The following CMTM7 variants were observed in gnomAD, a reference collection of about 807,000 sequenced individuals.
The protein encoded by CMTM7 is CKLF-like MARVEL transmembrane domain-containing protein 7.
A neutral mutation model predicts 19.3 loss-of-function variants in CMTM7; 7 were observed. The observed-to-expected ratio is 0.36, with a 90% CI of 0.21 to 0.68. The LOEUF (loss-of-function observed/expected upper bound fraction) is 0.68, where lower values mean the gene tolerates loss of function less well. Among genes scored for constraint, CMTM7 ranks in the 30% least tolerant of loss-of-function variants. The probability of loss-of-function intolerance (pLI) is 0.60; values close to 1 mark genes in which losing one functional copy is unlikely to be tolerated. For missense variants in CMTM7, 193 were observed against 232.6 expected (o/e 0.83, Z 1.11); for synonymous variants, 87 against 99.3 (o/e 0.88, Z 0.74).
intron 1 of CMTM7, among the ~76,000 whole-genome samples, chr3:32,441,606 C>T (rs1696676790): frequency 1.3e-5 from 2 of 152,202 alleles, no homozygotes; most frequent in South Asian, 2.1e-4. Context: ...TCAGAGAGGA[C>T]GAAGTCAGTC....
chr3:32,441,794 C>T, intron 1 of CMTM7, 46 bp from the exon 2 acceptor site: 1 of 1,572,990 alleles, frequency 6.4e-7, no homozygotes. Flanking sequence ...TCCCTGGGTG[C>T]CCGTCTTGGG....
At chr3:32,431,488 T>C (rs9830843) in intron 1 of CMTM7, among the ~76,000 whole-genome samples, 1,665 of 152,172 alleles carry the variant, frequency 0.011, 38 homozygotes, top group African/African-American at 0.038. Flanking sequence ...CCCAGAGCCC[T>C]GCTGGCCAGT....
intron 3 of CMTM7, chr3:32,451,992 C>G (rs1696839516): frequency 9.9e-7 from 1 of 1,011,686 alleles, no homozygotes; most frequent in East Asian, 5.8e-5. Flanking sequence ...CGCCACTACA[C>G]CACAAATCAT....
In CMTM7 at chr3:32,454,401, C is replaced by A; in HGVS notation, c.*147C>A. On this transcript the variant is annotated 3_prime_UTR_variant, in exon 5 of 5. Coordinates refer to ENST00000334983, the MANE Select transcript of CMTM7 (RefSeq NM_138410.4). ...GGCCTGCACCCTCTTCCTGCTCTCC[C>A]AGGAAGCCAGCTCCCTGAGCTCCTG... 1.0e-6 allele frequency: 1 copy of A among 960,128 alleles called. No homozygotes were observed. The highest frequency in any genetic ancestry group is 1.6e-6 in the Non-Finnish European group (1 of 607,608). 59.5% of individuals were successfully genotyped at this position (960,128 alleles called of 1,614,324 possible). A position where few individuals can be genotyped will look rare whatever the true frequency, so the allele number is the denominator to read the frequency against.
At chr3:32,440,086 C>T (rs62252082) in intron 1 of CMTM7, among the ~76,000 whole-genome samples, 1 of 111,788 alleles carries the variant, frequency 8.9e-6, no homozygotes, top group Non-Finnish European at 2.2e-5. Flanking sequence ...CACACACACA[C>T]ACACACACAC....
At chr3:32,395,087 C>G (rs1376073967) in intron 1 of CMTM7, among the ~76,000 whole-genome samples, 1 of 151,342 alleles carries the variant, frequency 6.6e-6, no homozygotes, top group Non-Finnish European at 1.5e-5. Flanking sequence ...TTACTGCAGC[C>G]TTAACCTCCT....
intron 1 of CMTM7, among the ~76,000 whole-genome samples, chr3:32,430,714 T>TGTGTGTGTGTGTGTGTGTGA (rs10634592): frequency 0.016 from 2,376 of 149,486 alleles, 25 homozygotes; most frequent in Middle Eastern, 0.024. Flanking sequence ...TGTGTGTGTG[T>TGTGTGTGTGTGTGTGTGTGA]GACACAGCTC....
At chr3:32,440,281 C>T (rs1476582732) in intron 1 of CMTM7, among the ~76,000 whole-genome samples, 1 of 151,798 alleles carries the variant, frequency 6.6e-6, no homozygotes, top group Non-Finnish European at 1.5e-5. Context: ...GTGGTGCATA[C>T]CTGTAGTCCC....
intron 1 of CMTM7, among the ~76,000 whole-genome samples, chr3:32,416,002 T>A (rs1333481577): frequency 6.6e-6 from 1 of 152,216 alleles, no homozygotes; most frequent in East Asian, 1.9e-4. Context: ...TGTTTTTGAC[T>A]TAGCATAGAC....
intron 1 of CMTM7, among the ~76,000 whole-genome samples, chr3:32,423,958 G>A (rs528356420): frequency 1.3e-5 from 2 of 152,322 alleles, no homozygotes; most frequent in South Asian, 2.1e-4. Context: ...TTCAATAGAG[G>A]CCAGATAGGA....
intron 2 of CMTM7, among the ~76,000 whole-genome samples, chr3:32,446,498 A>G (rs1157133392): frequency 6.6e-6 from 1 of 151,690 alleles, no homozygotes; most frequent in Non-Finnish European, 1.5e-5. Flanking sequence ...TGTTGCTTTA[A>G]TCTTTATTTT....
intron 2 of CMTM7, among the ~76,000 whole-genome samples, chr3:32,448,299 A>G (rs1288896526): frequency 2.6e-5 from 4 of 152,208 alleles, no homozygotes; most frequent in African/African-American, 7.2e-5. Flanking sequence ...TCTGTGATCT[A>G]TCTTGTGATA....
At chr3:32,398,755 G>A (rs969276480) in intron 1 of CMTM7, among the ~76,000 whole-genome samples, 5 of 151,886 alleles carry the variant, frequency 3.3e-5, no homozygotes, top group African/African-American at 1.2e-4. Flanking sequence ...AGGCCGAGGC[G>A]GGCGGATGGC....
In CMTM7 at chr3:32,449,984, A is replaced by G. The variant is rs974663912; in HGVS notation, c.432+432A>G. Reference sequence around the variant, plus strand: ...TGAGCTTTGCCATTCCTGATTTTTAACAGTATTCAGGCCAGGAAATAATAC... The same window carrying G: ...TGAGCTTTGCCATTCCTGATTTTTAGCAGTATTCAGGCCAGGAAATAATAC... On this transcript the variant is annotated intron_variant, in intron 3 of 4. Coordinates refer to ENST00000334983, the MANE Select transcript of CMTM7 (RefSeq NM_138410.4). This position sits in a 1 kb window ranked among gnomAD's most constrained non-coding sequence, Gnocchi z 4.5. 2.6e-5 allele frequency among the ~76,000 whole-genome samples: 4 copies of G among 152,162 alleles called. No homozygotes were observed. Among genetic ancestry groups the G allele is most frequent in the Admixed American group, 2.6e-4 (4 of 15,274 alleles).
chr3:32,435,680 C>G lies in CMTM7; in HGVS notation c.160-6160C>G, dbSNP rs147842620. Among the ~76,000 whole-genome samples the G allele has an allele frequency of 4.4e-4, 67 of 152,184 alleles. 1 individual carries two copies. Among genetic ancestry groups the G allele is most frequent in the Non-Finnish European group, 7.6e-4 (52 of 68,018 alleles). On this transcript the variant is annotated intron_variant, in intron 1 of 4. Transcript: ENST00000334983. ...ATAAGACCACCTATAGGACAGCCAC[C>G]TACAACAAAGAATTATCCAGCCCCG...
chr3:32,393,497 C>T (rs1488539739), intron 1 of CMTM7, among the ~76,000 whole-genome samples: 5 of 152,148 alleles, frequency 3.3e-5, no homozygotes, highest in Non-Finnish European at 7.3e-5. Flanking sequence ...GATCAGAAGC[C>T]TCCATCTTGG....
At position 32,454,783 on chromosome 3, in the gene CMTM7, T is replaced by G. The variant is rs1270485584; in HGVS notation, c.*529T>G. Reference sequence around the variant, plus strand: ...CTTGTGTCTCCTCTCCATCTCTGCCTTTGTTACCAGTGTGCATGTGTTTGT... The same window carrying G: ...CTTGTGTCTCCTCTCCATCTCTGCCGTTGTTACCAGTGTGCATGTGTTTGT... On this transcript the variant is annotated 3_prime_UTR_variant, in exon 5 of 5. Transcript: ENST00000334983. 3.7e-6 allele frequency: 1 copy of G among 267,218 alleles called. No individual in the cohort carries two copies. Among genetic ancestry groups the G allele is most frequent in the African/African-American group, 2.2e-5 (1 of 44,900 alleles). The allele number at this position is 267,218 out of a possible 1,614,324, so 16.6% of individuals were successfully genotyped here.
At chr3:32,394,990 T>C (rs1353981921) in intron 1 of CMTM7, among the ~76,000 whole-genome samples, 3 of 151,242 alleles carry the variant, frequency 2.0e-5, no homozygotes, top group Non-Finnish European at 4.4e-5. Context: ...GCTGCCGCGC[T>C]CGGCTAAATG....
chr3:32,398,529 T>C (rs62250549), intron 1 of CMTM7, among the ~76,000 whole-genome samples: 30,010 of 151,936 alleles, frequency 0.2, 3,326 homozygotes, highest in Non-Finnish European at 0.26. Flanking sequence ...TTAATCAAAA[T>C]GGTTATGAAT....
Sources: gnomAD v4.1 joint callset for allele counts (sites outside exome capture counted in the v4.1 genomes callset) on GRCh38, gnomAD v4.1.1 for gene constraint, Gnocchi (gnomAD v3.1) non-coding constraint, MANE v1.5 for transcripts, NCBI Gene and HGNC (gene_info 2026-07-23, HGNC 2026-07-21) for gene names.